The following FLI1 variants were observed in gnomAD, a reference collection of about 807,000 sequenced individuals.
FLI1 encodes Friend leukemia integration 1 transcription factor.
In FLI1, 13 loss-of-function variants were observed where a neutral mutation model predicts 53.1. The observed-to-expected ratio is 0.24, with a 90% confidence interval of 0.16 to 0.39. The LOEUF (loss-of-function observed/expected upper bound fraction) is 0.39, where lower values mean the gene tolerates loss of function less well. FLI1 is among the 10% of genes least tolerant of loss of function. The probability of loss-of-function intolerance (pLI) is 1.00; values close to 1 mark genes in which losing one functional copy is unlikely to be tolerated. For missense variants in FLI1, 424 were observed against 600.5 expected (o/e 0.71, Z 3.07); for synonymous variants, 244 against 236.7 (o/e 1.03, Z -0.28).
At chr11:128,746,336 G>C (rs935335421) in intron 1 of FLI1, among the ~76,000 whole-genome samples, 1 of 152,116 alleles carries the variant, frequency 6.6e-6, no homozygotes, top group Admixed American at 6.5e-5. Flanking sequence ...ATGACCCCAG[G>C]AATCGAAGAG....
In FLI1 at chr11:128,734,634, G is replaced by A. The variant is rs528684172; in HGVS notation, c.19-23481G>A. 4.6e-5 allele frequency among the ~76,000 whole-genome samples: 7 copies of A among 152,290 alleles called. No individual in the cohort carries two copies. The East Asian group carries it at 1.3e-3, about 29-fold the overall frequency. On this transcript the variant is annotated intron_variant, in intron 1 of 8. Coordinates refer to ENST00000527786, the MANE Select transcript of FLI1 (RefSeq NM_002017.5). ...GGCTGGCGGTCACTTGCTCTTGGTGGCCAGTTTCATTTCCTGGTTTTGAGA... is the reference window on the plus strand; with the variant it reads ...GGCTGGCGGTCACTTGCTCTTGGTGACCAGTTTCATTTCCTGGTTTTGAGA...
intron 1 of FLI1, among the ~76,000 whole-genome samples, chr11:128,723,525 T>C (rs1287340248): frequency 1.3e-5 from 2 of 152,082 alleles, no homozygotes; most frequent in African/African-American, 4.8e-5. Context: ...AAGAGGTGCA[T>C]TCCTGCTGCC....
intron 1 of FLI1, among the ~76,000 whole-genome samples, chr11:128,736,051 G>C (rs946201399): frequency 6.6e-6 from 1 of 152,112 alleles, no homozygotes; most frequent in Non-Finnish European, 1.5e-5. Flanking sequence ...AGACATGATC[G>C]ATGAGGCTAT....
chr11:128,801,519 T>TA (rs1942636904), intron 5 of FLI1, among the ~76,000 whole-genome samples: 1 of 152,206 alleles, frequency 6.6e-6, no homozygotes, highest in African/African-American at 2.4e-5. Flanking sequence ...GACTTCCCTG[T>TA]GGGAACAAGC....
chr11:128,757,041 ATTTT>A (rs202176204), intron 1 of FLI1, among the ~76,000 whole-genome samples: 7 of 123,380 alleles, frequency 5.7e-5, no homozygotes, highest in Admixed American at 1.6e-4. Flanking sequence ...TATCTAGCTA[ATTTT>A]TTCTTTCTTT....
At chr11:128,797,367 G>A (rs1027119392) in intron 5 of FLI1, among the ~76,000 whole-genome samples, 3 of 152,172 alleles carry the variant, frequency 2.0e-5, no homozygotes, top group East Asian at 1.9e-4. Context: ...AAAAGGAATT[G>A]GCTTTCCAGA....
upstream of FLI1, chr11:128,693,013 C>T (rs76823071): frequency 0.028 from 4,262 of 152,716 alleles, 95 homozygotes; most frequent in African/African-American, 0.05. Flanking sequence ...GTCTGCTCTG[C>T]GCTGTTGCGT....
intron 5 of FLI1, among the ~76,000 whole-genome samples, chr11:128,798,892 G>A (rs968917986): frequency 2.6e-5 from 4 of 152,102 alleles, no homozygotes; most frequent in Non-Finnish European, 4.4e-5. Context: ...TAATGCCTGG[G>A]CCTAACAGCC....
At chr11:128,792,212 TC>T (rs1486184959) in intron 5 of FLI1, among the ~76,000 whole-genome samples, 1 of 152,142 alleles carries the variant, frequency 6.6e-6, no homozygotes, top group African/African-American at 2.4e-5. Context: ...TGTAGTCCCC[TC>T]CCCACCTAGG....
intron 1 of FLI1, among the ~76,000 whole-genome samples, chr11:128,697,855 C>T (rs192480144): frequency 9.2e-5 from 14 of 152,222 alleles, no homozygotes; most frequent in Admixed American, 6.5e-4. Flanking sequence ...GGAATGTAGA[C>T]GCTAGTGGAG....
At chr11:128,717,107 G>A (rs1460221934) in intron 1 of FLI1, among the ~76,000 whole-genome samples, 2 of 152,036 alleles carry the variant, frequency 1.3e-5, no homozygotes, top group African/African-American at 2.4e-5. Context: ...CGGGGCACAC[G>A]CTGCTCTGGG....
intron 1 of FLI1, among the ~76,000 whole-genome samples, chr11:128,756,833 G>A (rs1940879171): frequency 6.6e-6 from 1 of 152,180 alleles, no homozygotes; most frequent in African/African-American, 2.4e-5. Flanking sequence ...AATAATGGGA[G>A]ACTCTTACCC....
intron 4 of FLI1, 68 bp from the exon 5 acceptor site, chr11:128,781,890 A>G (rs369530243): frequency 8.1e-6 from 10 of 1,236,764 alleles, no homozygotes; most frequent in Non-Finnish European, 9.6e-6. Context: ...CTCCCTCCTC[A>G]TGTCATCTCC....
At chr11:128,757,060 CTTTCTTTCTT>C (rs1192497467) in intron 1 of FLI1, among the ~76,000 whole-genome samples, 2 of 135,394 alleles carry the variant, frequency 1.5e-5, no homozygotes, top group Non-Finnish European at 3.1e-5. Context: ...TTCTTTCTTT[CTTTCTTTCTT>C]TCTTTCTTTC....
chr11:128,806,084 A>G (rs1365531023), intron 6 of FLI1: 2 of 152,052 alleles, frequency 1.3e-5, no homozygotes, highest in East Asian at 3.9e-4. Context: ...TAGGAAGCAA[A>G]ATATGAAGCA....
At chr11:128,759,654 G>C (rs1292696584) in intron 2 of FLI1, among the ~76,000 whole-genome samples, 5 of 152,212 alleles carry the variant, frequency 3.3e-5, no homozygotes, top group Non-Finnish European at 7.3e-5. Context: ...CATTTTAAAG[G>C]CTGGTGCTGT....
chr11:128,693,893 G>A (rs1937879480), upstream of FLI1: 2 of 250,672 alleles, frequency 8.0e-6, no homozygotes, highest in Non-Finnish European at 1.5e-5. Context: ...GGGGGGGAGG[G>A]AAGACGAGGG....
At position 128,758,313 on chromosome 11, in the gene FLI1, A is replaced by G; in HGVS notation, c.217A>G (p.Met73Val). The change falls in exon 2 of 9, where the codon ATG becomes GTG. Residue 73 changes from methionine to valine, a missense_variant. Around this residue, in one of 5 missense-constraint regions of FLI1, gnomAD observed 137 missense variants for 169.1 expected, o/e 0.81. Transcript: ENST00000527786. ...CAACGTCAAGCGGGAGTATGACCAC[A>G]TGAATGGATCCAGGTAAGCTCACCA... is the stretch of plus-strand genomic sequence containing the variant. ...RVNVKREYDHMNGSRESPVDC... is the reference protein window; with the variant it reads ...RVNVKREYDHVNGSRESPVDC... 6.2e-7 allele frequency: 1 copy of G among 1,613,070 alleles called. No homozygotes were observed.
At chr11:128,774,145 C>T (rs1387344581) in intron 4 of FLI1, among the ~76,000 whole-genome samples, 2 of 152,070 alleles carry the variant, frequency 1.3e-5, no homozygotes, top group African/African-American at 4.8e-5. Flanking sequence ...GTCCCTTCAG[C>T]GACAGTGTTC....
Sources: allele counts gnomAD v4.1 joint callset (sites outside exome capture counted in the v4.1 genomes callset), GRCh38; gene constraint gnomAD v4.1.1; regional missense constraint gnomAD v4.1.1; transcripts MANE v1.5; gene names NCBI Gene and HGNC (gene_info 2026-07-23, HGNC 2026-07-21).